DENND5A: variants seen among roughly 807,000 people sequenced by gnomAD.
DENND5A encodes DENN domain containing 5A, also known as DENN domain-containing protein 5A.
In DENND5A, 64 loss-of-function variants were observed where a neutral mutation model predicts 140.3. That is an observed-to-expected ratio of 0.46 (90% CI 0.37 to 0.56). The LOEUF is 0.56. Among genes scored for constraint, DENND5A ranks in the 20% least tolerant of loss-of-function variants. The pLI, the probability that DENND5A is intolerant of heterozygous loss-of-function variation, is 0.00. For synonymous variants in DENND5A, 605 were observed against 607.7 expected (o/e 1.00, Z 0.07); for missense variants, 1,292 against 1,593.8 (o/e 0.81, Z 3.22).
At chr11:9,150,320 C>T (rs1847573905) in intron 14 of DENND5A, 111 bp from the exon 15 acceptor site, 1 of 1,279,554 alleles carries the variant, frequency 7.8e-7, no homozygotes. Context: ...TTATCTCACC[C>T]TGGGAGAGCC....
chr11:9,147,194 A>T lies in DENND5A; in HGVS notation c.2736-43T>A, dbSNP rs1048308701. On this transcript the variant is annotated intron_variant, in intron 15 of 22. Coordinates refer to ENST00000328194, the MANE Select transcript of DENND5A (RefSeq NM_015213.4). ...ATACATCAGTCTCCGACCAAAAGGAAGGGAAAGAAACTAGAATTTTCAGTT... is the reference window on the plus strand; with the variant it reads ...ATACATCAGTCTCCGACCAAAAGGATGGGAAAGAAACTAGAATTTTCAGTT... 33 of 1,603,438 alleles carry T rather than the reference A, an allele frequency of 2.1e-5. No homozygotes were observed. The East Asian group carries it at 7.4e-4, about 36-fold the overall frequency.
At chr11:9,210,800 C>A (rs955203309) in intron 1 of DENND5A, among the ~76,000 whole-genome samples, 2 of 152,208 alleles carry the variant, frequency 1.3e-5, no homozygotes, top group African/African-American at 4.8e-5. Flanking sequence ...CCCTTACAGG[C>A]ATGCTCCACC....
intron 12 of DENND5A, among the ~76,000 whole-genome samples, chr11:9,158,307 G>A (rs1185584141): frequency 2.6e-5 from 4 of 152,030 alleles, no homozygotes; most frequent in Non-Finnish European, 4.4e-5. Context: ...CAGTTTGGGG[G>A]GCTGAGGCAG....
intron 8 of DENND5A, among the ~76,000 whole-genome samples, chr11:9,173,527 T>C (rs1368331390): frequency 2.0e-5 from 3 of 152,314 alleles, no homozygotes; most frequent in African/African-American, 4.8e-5. Flanking sequence ...AAGTTCTTTT[T>C]GTTGTTGTTT....
chr11:9,193,195 C>G (rs928153320), intron 5 of DENND5A, among the ~76,000 whole-genome samples: 2 of 152,136 alleles, frequency 1.3e-5, no homozygotes, highest in Non-Finnish European at 2.9e-5. Context: ...GCTACTGCAC[C>G]CAGCCTGGGT....
intron 5 of DENND5A, among the ~76,000 whole-genome samples, chr11:9,188,820 G>A (rs1274044262): frequency 2.0e-5 from 3 of 152,146 alleles, no homozygotes; most frequent in African/African-American, 4.8e-5. Flanking sequence ...GTTTTAAAAG[G>A]GAAACAGAGC....
chr11:9,241,191 A>G (rs1214565634), intron 1 of DENND5A, among the ~76,000 whole-genome samples: 3 of 152,188 alleles, frequency 2.0e-5, no homozygotes, highest in African/African-American at 7.2e-5. Flanking sequence ...CTGAACTTAA[A>G]GCTACATCAG....
intron 1 of DENND5A, among the ~76,000 whole-genome samples, chr11:9,248,463 C>A (rs975186986): frequency 9.9e-5 from 15 of 151,762 alleles, no homozygotes; most frequent in African/African-American, 2.4e-5. Context: ...CCAGCCTGGG[C>A]AACATAGTGA....
chr11:9,243,340 ATGT>A (rs761235176), intron 1 of DENND5A, among the ~76,000 whole-genome samples: 25 of 152,164 alleles, frequency 1.6e-4, no homozygotes, highest in Non-Finnish European at 3.1e-4. Context: ...CTTCACACAG[ATGT>A]TGTGAGAAAA....
Position 9,152,413 on chromosome 11 carries a change from T to C in DENND5A, c.2466A>G (p.Leu822=), listed in dbSNP as rs1847649161. The change falls in exon 13 of 23, where the codon TTA becomes TTG. Residue 822 remains leucine (L), a synonymous_variant. Coordinates refer to ENST00000328194, the MANE Select transcript of DENND5A (RefSeq NM_015213.4). ...TTCTCTGCCGGTTGTCCTGATAATGTAACAGGTGGGACCATAAGGCTGATT... is the reference window on the plus strand; with the variant it reads ...TTCTCTGCCGGTTGTCCTGATAATGCAACAGGTGGGACCATAAGGCTGATT... ...QGKSALWSHL[L]HYQDNRQRKL... 1.2e-6 allele frequency: 2 copies of C among 1,613,808 alleles called. No homozygotes were observed. Among genetic ancestry groups the C allele is most frequent in the East Asian group, 2.2e-5 (1 of 44,892 alleles).
intron 6 of DENND5A, among the ~76,000 whole-genome samples, 170 bp downstream of exon 6, chr11:9,180,597 A>G (rs567371252): frequency 6.6e-6 from 1 of 152,338 alleles, no homozygotes; most frequent in Non-Finnish European, 1.5e-5. Flanking sequence ...AGCATTTACT[A>G]GGATAACATC....
At chr11:9,257,666 TAG>T (rs771462436) in intron 1 of DENND5A, among the ~76,000 whole-genome samples, 10 of 151,300 alleles carry the variant, frequency 6.6e-5, no homozygotes, top group Non-Finnish European at 1.3e-4. Context: ...GAATTTTTAG[TAG>T]AGACAGGGTT....
At chr11:9,205,497 C>T (rs1590274060) in intron 3 of DENND5A, among the ~76,000 whole-genome samples, 3 of 152,164 alleles carry the variant, frequency 2.0e-5, no homozygotes, top group African/African-American at 7.2e-5. Flanking sequence ...AAGACAGTTT[C>T]TTCATCTGTG....
At position 9,203,875 on chromosome 11, in the gene DENND5A, T is replaced by G; in HGVS notation, c.734A>C (p.Tyr245Ser). 6.2e-7 allele frequency: 1 copy of G among 1,614,098 alleles called. No homozygotes were observed. The highest frequency in any genetic ancestry group is 8.5e-7 in the Non-Finnish European group (1 of 1,180,012). Residue 245 changes from tyrosine (Y) to serine (S), a missense_variant, in exon 4 of 23, where the codon TAC becomes TCC. This residue lies in a region of DENND5A where 566 missense variants were observed against 650.4 expected (regional missense o/e 0.87). Transcript: ENST00000328194. ...PPPLPLESYI[Y>S]NVLYEVPLPP... The stretch of plus-strand genomic sequence containing the variant: ...GAGCGGCACCTCGTAGAGTACGTTG[T>G]ATATGTAGCTCTCAAGGGGCAGTGG...
rs1590255673 is a variant in DENND5A at position 9,192,007 on chromosome 11, C to T, written c.1137+1487G>A. 3.3e-5 allele frequency among the ~76,000 whole-genome samples: 5 copies of T among 152,184 alleles called. No individual in the cohort carries two copies. In the South Asian group the frequency reaches 1.0e-3, roughly 32 times the overall value. ...ATTATCTCAACTCAATGATTTTATC[C>T]ATCATTTAGATTTTTTTTCCTTAAT... On this transcript the variant is annotated intron_variant, in intron 5 of 22. Coordinates refer to ENST00000328194, the MANE Select transcript of DENND5A (RefSeq NM_015213.4).
intron 1 of DENND5A, among the ~76,000 whole-genome samples, chr11:9,227,744 C>T (rs189744918): frequency 3.3e-5 from 5 of 151,552 alleles, no homozygotes; most frequent in Admixed American, 6.6e-5. Context: ...GATCACCTGA[C>T]GCCAGTTCAA....
intron 1 of DENND5A, among the ~76,000 whole-genome samples, chr11:9,243,357 G>A (rs1220581116): frequency 2.6e-5 from 4 of 152,058 alleles, no homozygotes; most frequent in Non-Finnish European, 4.4e-5. Context: ...GAGAAAATGG[G>A]GTGGGGTATA....
At chr11:9,246,608 T>A (rs1851482449) in intron 1 of DENND5A, among the ~76,000 whole-genome samples, 2 of 108,836 alleles carry the variant, frequency 1.8e-5, no homozygotes, top group Admixed American at 1.0e-4. Flanking sequence ...TGAAACTAAG[T>A]CTCAAAAAAA....
At chr11:9,166,871 TA>T (rs1848209125) in intron 10 of DENND5A, among the ~76,000 whole-genome samples, 2 of 151,350 alleles carry the variant, frequency 1.3e-5, no homozygotes, top group South Asian at 4.2e-4. Context: ...AAAATTAAAT[TA>T]AAAAAAGATA....
Sources: allele counts gnomAD v4.1 joint callset (sites outside exome capture counted in the v4.1 genomes callset), GRCh38; gene constraint gnomAD v4.1.1; regional missense constraint gnomAD v4.1.1; transcripts MANE v1.5; gene names NCBI Gene and HGNC (gene_info 2026-07-23, HGNC 2026-07-21).